The following SPOPL variants were observed in gnomAD, a reference collection of about 807,000 sequenced individuals.
SPOPL encodes speckle type BTB/POZ protein like.
A neutral mutation model predicts 53.8 loss-of-function variants in SPOPL; 23 were observed. The observed-to-expected ratio is 0.43, with a 90% CI of 0.31 to 0.61. The LOEUF (loss-of-function observed/expected upper bound fraction) is 0.61. Ranked by LOEUF, SPOPL falls within the 20% of genes least tolerant of loss-of-function variation. SPOPL has a pLI of 0.12. For missense variants in SPOPL, 442 were observed against 466.9 expected (o/e 0.95, Z 0.49); for synonymous variants, 164 against 149.7 (o/e 1.10, Z -0.70).
At chr2:138,527,321 C>T (rs1684697994) in intron 1 of SPOPL, among the ~76,000 whole-genome samples, 1 of 152,064 alleles carries the variant, frequency 6.6e-6, no homozygotes, top group Non-Finnish European at 1.5e-5. Flanking sequence ...CCTAGTCTTA[C>T]CTTCTTTAAG....
intron 1 of SPOPL, among the ~76,000 whole-genome samples, chr2:138,535,681 A>G (rs1477043062): frequency 1.3e-5 from 2 of 151,548 alleles, no homozygotes; most frequent in East Asian, 3.9e-4. Context: ...TTGCTTTTCA[A>G]TAAATTTGAG....
chr2:138,559,772 G>A (rs962857592), intron 7 of SPOPL, among the ~76,000 whole-genome samples: 2 of 152,108 alleles, frequency 1.3e-5, no homozygotes, highest in African/African-American at 4.8e-5. Flanking sequence ...TTACCTACTT[G>A]ACTTCCCCAG....
At chr2:138,552,515 A>G (rs369897254) in intron 4 of SPOPL, 39 bp from the exon 5 acceptor site, 14 of 1,577,720 alleles carry the variant, frequency 8.9e-6, no homozygotes, top group Non-Finnish European at 1.2e-5. Flanking sequence ...AGTCTCTTGG[A>G]TATTTATTTT....
At chr2:138,519,289 C>T (rs1684507398) in intron 1 of SPOPL, among the ~76,000 whole-genome samples, 1 of 152,120 alleles carries the variant, frequency 6.6e-6, no homozygotes, top group Non-Finnish European at 1.5e-5. Flanking sequence ...CTTTCTGTCA[C>T]ATTCTATACT....
Position 138,524,218 on chromosome 2 carries a change from G to A in SPOPL, c.-61+22099G>A, listed in dbSNP as rs561802306. 8.9e-4 allele frequency among the ~76,000 whole-genome samples: 135 copies of A among 152,338 alleles called. 1 individual carries two copies. The highest frequency in any genetic ancestry group is 3.1e-3 in the African/African-American group (130 of 41,582). ...GAGGCTTCCACCCTCTGAGGCCACA[G>A]CCTGAGCTGTACCTTGACCCCGTTT... On this transcript the variant is annotated intron_variant, in intron 1 of 10. Coordinates refer to ENST00000280098, the MANE Select transcript of SPOPL (RefSeq NM_001001664.3).
At chr2:138,517,980 G>A (rs1414124222) in intron 1 of SPOPL, among the ~76,000 whole-genome samples, 4 of 150,204 alleles carry the variant, frequency 2.7e-5, no homozygotes, top group Admixed American at 6.6e-5. Flanking sequence ...CCTAGGAGGC[G>A]GAGGTGGCAG....
At position 138,568,985 on chromosome 2, in the gene SPOPL, T is replaced by G; in HGVS notation, c.1084T>G (p.Ser362Ala). 6.2e-7 allele frequency: 1 copy of G among 1,614,046 alleles called. No homozygotes were observed. The highest frequency in any genetic ancestry group is 8.5e-7 in the Non-Finnish European group (1 of 1,179,922). ...ETSGWKSMIQ[S>A]HPHLVAEAFR... is the part of the protein sequence containing the mutation. Reference sequence around the variant, plus strand: ...ATCAGGGTGGAAGTCCATGATTCAGTCTCACCCTCATTTAGTAGCAGAAGC... The same window carrying G: ...ATCAGGGTGGAAGTCCATGATTCAGGCTCACCCTCATTTAGTAGCAGAAGC... Residue 362 changes from serine (S) to alanine (A), a missense_variant, in exon 11 of 11, where the codon TCT (serine) becomes GCT (alanine). Physicochemically the swap from Ser to Ala is moderately conservative, Grantham distance 99. Transcript: ENST00000280098.
At position 138,546,457 on chromosome 2, in the gene SPOPL, T is replaced by G. The variant is rs79767282; in HGVS notation, c.-60-3700T>G. ...GCTGTTTTTATTTTCATTTTTCTTC[T>G]TATGAAGAGGAAGAAAAAAATAGAA... On this transcript the variant is annotated intron_variant, in intron 1 of 10. Transcript: ENST00000280098. 8.0e-3 allele frequency among the ~76,000 whole-genome samples: 1,226 copies of G among 152,326 alleles called. 12 individuals carry two copies. Among genetic ancestry groups the G allele is most frequent in the Non-Finnish European group, 0.011 (717 of 68,026 alleles).
intron 4 of SPOPL, 148 bp downstream of exon 4, chr2:138,551,202 G>A: frequency 1.2e-6 from 1 of 835,044 alleles, no homozygotes; most frequent in South Asian, 1.9e-5. Flanking sequence ...TTTAAATCCA[G>A]CATAGAGCTA....
intron 1 of SPOPL, among the ~76,000 whole-genome samples, chr2:138,539,670 A>G (rs1165353193): frequency 6.6e-6 from 1 of 152,094 alleles, no homozygotes; most frequent in Non-Finnish European, 1.5e-5. Context: ...AGATGAGTAG[A>G]TTGCAAACAT....
rs912937637 is a variant in SPOPL at position 138,521,952 on chromosome 2, G to A, written c.-61+19833G>A. Among the ~76,000 whole-genome samples the A allele has an allele frequency of 1.9e-4, 29 of 152,278 alleles. No individual in the cohort carries two copies. In the Middle Eastern group the frequency reaches 0.01, roughly 54 times the overall value. ...GATGATGAGTTTTTTGTGTGTGTTA[G>A]CGGTATTGACAGCTTCCTAGTTCAG... On this transcript the variant is annotated intron_variant, in intron 1 of 10. Transcript: ENST00000280098.
chr2:138,518,057 A>G (rs1385854281), intron 1 of SPOPL, among the ~76,000 whole-genome samples: 1 of 151,326 alleles, frequency 6.6e-6, no homozygotes, highest in Non-Finnish European at 1.5e-5. Context: ...AAAAAAAAAA[A>G]AAAAAAAAGA....
intron 1 of SPOPL, among the ~76,000 whole-genome samples, chr2:138,537,790 T>C (rs1684969255): frequency 6.6e-6 from 1 of 152,200 alleles, no homozygotes; most frequent in African/African-American, 2.4e-5. Context: ...ACTTTTCTCA[T>C]AGTCTCTACT....
chr2:138,550,117 A>C (rs1685281567), intron 1 of SPOPL, 40 bp from the exon 2 acceptor site: 1 of 1,026,578 alleles, frequency 9.7e-7, no homozygotes, highest in African/African-American at 1.6e-5. Flanking sequence ...TCTGTCGTTT[A>C]AACTTTTTAA....
intron 1 of SPOPL, among the ~76,000 whole-genome samples, chr2:138,514,552 A>T (rs896505796): frequency 5.3e-5 from 8 of 152,144 alleles, no homozygotes; most frequent in African/African-American, 1.9e-4. Context: ...CTGCTTCATA[A>T]TATTCCACTG....
intron 1 of SPOPL, among the ~76,000 whole-genome samples, chr2:138,544,705 G>C (rs759085631): frequency 2.0e-5 from 3 of 152,214 alleles, no homozygotes; most frequent in Non-Finnish European, 4.4e-5. Flanking sequence ...GCCTCGCTCT[G>C]CTTCGGCTCA....
intron 1 of SPOPL, among the ~76,000 whole-genome samples, chr2:138,520,429 A>G (rs1390451546): frequency 6.6e-6 from 1 of 152,194 alleles, no homozygotes; most frequent in Non-Finnish European, 1.5e-5. Context: ...ATACATGTAC[A>G]CAGACATACA....
At chr2:138,521,957 AT>A (rs769472684) in intron 1 of SPOPL, among the ~76,000 whole-genome samples, 4 of 152,190 alleles carry the variant, frequency 2.6e-5, no homozygotes, top group Admixed American at 6.5e-5. Flanking sequence ...TGTTAGCGGT[AT>A]TGACAGCTTC....
chr2:138,557,335 C>T (rs932697349), intron 5 of SPOPL, among the ~76,000 whole-genome samples: 4 of 152,038 alleles, frequency 2.6e-5, no homozygotes, highest in South Asian at 2.1e-4. Context: ...AAGGTTAATA[C>T]GTAAATTGAG....
Sources: gnomAD v4.1 joint callset for allele counts (sites outside exome capture counted in the v4.1 genomes callset) on GRCh38, gnomAD v4.1.1 for gene constraint, MANE v1.5 for transcripts, NCBI Gene and HGNC (gene_info 2026-07-23, HGNC 2026-07-21) for gene names.